The following SBF2 variants were observed in gnomAD, a reference collection of about 807,000 sequenced individuals.
SBF2 encodes the protein myotubularin-related protein 13.
In SBF2, 112 loss-of-function variants were observed where a neutral mutation model predicts 225.2. The ratio of observed to expected loss-of-function variants is 0.50; its 90% CI spans 0.43 to 0.58. The LOEUF (loss-of-function observed/expected upper bound fraction) is 0.58. SBF2 is among the 20% of genes least tolerant of loss of function. SBF2 has a pLI of 0.00. For synonymous variants in SBF2, 763 were observed against 773.3 expected (o/e 0.99, Z 0.22); for missense variants, 1,996 against 2,206.2 (o/e 0.90, Z 1.91).
At chr11:10,238,411 A>G (rs1959165376) in intron 1 of SBF2, among the ~76,000 whole-genome samples, 1 of 152,174 alleles carries the variant, frequency 6.6e-6, no homozygotes, top group Non-Finnish European at 1.5e-5. Flanking sequence ...CCCTGTCTCA[A>G]AAATGAAAAC....
At chr11:10,033,591 G>C (rs1396945785) in intron 3 of SBF2, among the ~76,000 whole-genome samples, 2 of 151,554 alleles carry the variant, frequency 1.3e-5, no homozygotes, top group African/African-American at 2.4e-5. Flanking sequence ...TCTCCTATAA[G>C]AATGCAATGT....
chr11:10,261,473 G>C (rs1178617289), intron 1 of SBF2, among the ~76,000 whole-genome samples: 1 of 152,170 alleles, frequency 6.6e-6, no homozygotes, highest in Non-Finnish European at 1.5e-5. Flanking sequence ...AAAGTGCTGG[G>C]ATTACAGGCG....
chr11:10,004,849 T>C (rs1027966938), intron 6 of SBF2, among the ~76,000 whole-genome samples: 4 of 152,184 alleles, frequency 2.6e-5, no homozygotes, highest in African/African-American at 4.8e-5. Flanking sequence ...ACCTTTTGTC[T>C]CTTATATACC....
At chr11:10,183,694 G>A (rs1211199533) in intron 2 of SBF2, among the ~76,000 whole-genome samples, 10 of 152,028 alleles carry the variant, frequency 6.6e-5, no homozygotes, top group Non-Finnish European at 1.5e-4. Flanking sequence ...TTAGCAACTC[G>A]GTCCAAAAAC....
At chr11:10,240,259 CAAA>C (rs555675542) in intron 1 of SBF2, among the ~76,000 whole-genome samples, 134 of 93,102 alleles carry the variant, frequency 1.4e-3, no homozygotes, top group African/African-American at 4.6e-3. Context: ...ATTAAAAGAA[CAAA>C]AAAAAAAAAA....
In SBF2 at chr11:9,825,151, T is replaced by C. The variant is rs180710029; in HGVS notation, c.3793+4205A>G. ...TATATCATTAGTTAAGATGAGGTCA[T>C]ACTGGAGTAGAATGGGCCCCTAATT... is the stretch of plus-strand genomic sequence containing the variant. On this transcript the variant is annotated intron_variant, in intron 28 of 39. Coordinates refer to ENST00000256190, the MANE Select transcript of SBF2 (RefSeq NM_030962.4). Among the ~76,000 whole-genome samples the C allele has an allele frequency of 3.3e-3, 501 of 152,282 alleles. 3 individuals are homozygous for C. Among genetic ancestry groups the C allele is most frequent in the South Asian group, 5.2e-3 (25 of 4,818 alleles).
chr11:9,891,543 T>G (rs931923692), intron 17 of SBF2, among the ~76,000 whole-genome samples: 1 of 152,194 alleles, frequency 6.6e-6, no homozygotes, highest in African/African-American at 2.4e-5. Context: ...GAAACAGATA[T>G]AAGCACAGGG....
chr11:10,126,303 G>A (rs1953752815), intron 2 of SBF2, among the ~76,000 whole-genome samples: 2 of 151,882 alleles, frequency 1.3e-5, no homozygotes, highest in Non-Finnish European at 1.5e-5. Context: ...CTTCTTTAGG[G>A]TATACCTAAT....
chr11:10,035,886 T>C (rs1949415249), intron 3 of SBF2, among the ~76,000 whole-genome samples: 1 of 152,132 alleles, frequency 6.6e-6, no homozygotes, highest in Non-Finnish European at 1.5e-5. Flanking sequence ...AGAAATGCCA[T>C]TTCACCCAGC....
intron 1 of SBF2, among the ~76,000 whole-genome samples, chr11:10,262,098 A>G (rs1961494180): frequency 6.6e-6 from 1 of 152,160 alleles, no homozygotes; most frequent in South Asian, 2.1e-4. Context: ...CATTGCATCA[A>G]AAGAAAAAAA....
intron 17 of SBF2, among the ~76,000 whole-genome samples, chr11:9,879,238 C>T (rs1399248534): frequency 6.6e-6 from 1 of 152,178 alleles, no homozygotes; most frequent in Non-Finnish European, 1.5e-5. Context: ...CAAAATTAAA[C>T]TAGAATAATA....
At chr11:9,945,376 G>A (rs1865504950) in intron 16 of SBF2, among the ~76,000 whole-genome samples, 2 of 152,160 alleles carry the variant, frequency 1.3e-5, no homozygotes, top group Non-Finnish European at 2.9e-5. Context: ...AACGGTGCTA[G>A]GATAACTGGC....
chr11:9,823,521 A>C (rs1323892133), intron 28 of SBF2, among the ~76,000 whole-genome samples: 1 of 151,910 alleles, frequency 6.6e-6, no homozygotes, highest in Non-Finnish European at 1.5e-5. Context: ...AAAAAAAAGA[A>C]GAAGAAGAAT....
Position 10,036,203 on chromosome 11 carries a change from T to C in SBF2, c.280-5033A>G, listed in dbSNP as rs377528624. ...GCATGTTCTCACTCATAAGTGGGAG[T>C]TGAACAATGAGAACACATGGACACA... is the stretch of plus-strand genomic sequence containing the variant. On this transcript the variant is annotated intron_variant, in intron 3 of 39. Transcript: ENST00000256190. Among the ~76,000 whole-genome samples the C allele has an allele frequency of 1.2e-4, 18 of 151,520 alleles. No homozygotes were observed. In the East Asian group the frequency reaches 2.3e-3, roughly 20 times the overall value.
At chr11:10,252,319 T>C (rs1368160206) in intron 1 of SBF2, among the ~76,000 whole-genome samples, 1 of 152,236 alleles carries the variant, frequency 6.6e-6, no homozygotes, top group Non-Finnish European at 1.5e-5. Flanking sequence ...AAACCAAATA[T>C]GGCCTGAGAA....
intron 1 of SBF2, among the ~76,000 whole-genome samples, chr11:10,241,125 G>A (rs775611076): frequency 1.4e-4 from 22 of 152,028 alleles, no homozygotes; most frequent in Non-Finnish European, 2.9e-4. Context: ...CAGAGGAAGG[G>A]GGATCACTTG....
rs545985765 is a variant in SBF2 at position 10,016,433 on chromosome 11, T to C, written c.619+12019A>G. 9 of 152,288 alleles carry C rather than the reference T, an allele frequency of 5.9e-5. No individual in the cohort carries two copies. The East Asian group carries it at 1.7e-3, about 29-fold the overall frequency. The allele number at this position is 152,288 out of a possible 1,614,324, so 9.4% of individuals were successfully genotyped here. A position where few individuals can be genotyped will look rare whatever the true frequency, so the allele number is the denominator to read the frequency against. ...TACCCAAGCCTAATTGAAATACTAC[T>C]TAAATTCTTTATTCTTAAATGTCAC... On this transcript the variant is annotated intron_variant, in intron 6 of 39. Transcript: ENST00000256190.
At chr11:10,224,033 A>C (rs1402591179) in intron 1 of SBF2, among the ~76,000 whole-genome samples, 1 of 152,126 alleles carries the variant, frequency 6.6e-6, no homozygotes, top group East Asian at 1.9e-4. Context: ...TTGTGGCGTA[A>C]GTTTTCATAA....
In SBF2 at chr11:9,784,381, A is replaced by G. The variant is rs1180493897; in HGVS notation, c.5289T>C (p.Arg1763=). 1.9e-6 allele frequency: 3 copies of G among 1,614,154 alleles called. No homozygotes were observed. The highest frequency in any genetic ancestry group is 1.1e-5 in the South Asian group (1 of 91,088). ...GTTTTGTTACATCCAAAACAAACCA[A>G]CGGGGCTTCCAACCTTTCAGCAAAG... The part of the protein sequence containing the change: ...RGALLKGWKP[R]WFVLDVTKHQ... The change falls in exon 38 of 40, where the codon CGT becomes CGC. Residue 1763 remains arginine (R), a synonymous_variant. Coordinates refer to ENST00000256190, the MANE Select transcript of SBF2 (RefSeq NM_030962.4).
Sources: gnomAD v4.1 joint callset for allele counts (sites outside exome capture counted in the v4.1 genomes callset) on GRCh38, gnomAD v4.1.1 for gene constraint, MANE v1.5 for transcripts, NCBI Gene and HGNC (gene_info 2026-07-23, HGNC 2026-07-21) for gene names.